SEMA5A: variants seen among roughly 807,000 people sequenced by gnomAD.
SEMA5A encodes semaphorin-5A.
SEMA5A carries 55 observed loss-of-function variants against 135.5 expected under a neutral mutation model. The observed-to-expected ratio is 0.41, with a 90% CI of 0.33 to 0.51. The LOEUF is 0.51. Ranked by LOEUF, SEMA5A falls within the 20% of genes least tolerant of loss-of-function variation. SEMA5A has a pLI of 0.37. For synonymous variants in SEMA5A, 580 were observed against 546.5 expected, an observed-to-expected ratio of 1.06 and a Z score of -0.85; for missense variants, 1,290 against 1,419.9, an observed-to-expected ratio of 0.91 and a Z score of 1.47.
At chr5:9,273,840 C>T (rs1199464000) in intron 5 of SEMA5A, among the ~76,000 whole-genome samples, 1 of 152,042 alleles carries the variant, frequency 6.6e-6, no homozygotes, top group Non-Finnish European at 1.5e-5. Flanking sequence ...CTGAAGGAAG[C>T]ACTAAACATG....
At chr5:9,479,511 G>A (rs112996591) in intron 1 of SEMA5A, among the ~76,000 whole-genome samples, 2,739 of 152,260 alleles carry the variant, frequency 0.018, 82 homozygotes, top group African/African-American at 0.061. Context: ...CTGGAGTGTC[G>A]GAGCGTCAGC....
intron 1 of SEMA5A, among the ~76,000 whole-genome samples, chr5:9,531,206 C>T (rs1737412921): frequency 6.6e-6 from 1 of 152,164 alleles, no homozygotes; most frequent in African/African-American, 2.4e-5. Context: ...GAACAAGGTC[C>T]TAGAGAGGTG....
intron 5 of SEMA5A, among the ~76,000 whole-genome samples, chr5:9,301,752 C>A (rs1751621312): frequency 6.6e-6 from 1 of 152,152 alleles, no homozygotes; most frequent in Non-Finnish European, 1.5e-5. Context: ...TCTTGTTGGG[C>A]TTCCTGGGAG....
intron 11 of SEMA5A, among the ~76,000 whole-genome samples, chr5:9,187,001 A>G (rs1744843992): frequency 1.3e-5 from 2 of 152,148 alleles, no homozygotes; most frequent in African/African-American, 4.8e-5. Context: ...AATGAGATGA[A>G]TTTCCCTGGT....
intron 1 of SEMA5A, among the ~76,000 whole-genome samples, chr5:9,526,944 A>C (rs1178246692): frequency 6.6e-6 from 1 of 152,184 alleles, no homozygotes; most frequent in East Asian, 1.9e-4. Context: ...AAACCAACTG[A>C]AAATTGATGT....
chr5:9,486,513 C>T (rs1734732640), intron 1 of SEMA5A, among the ~76,000 whole-genome samples: 1 of 152,024 alleles, frequency 6.6e-6, no homozygotes, highest in South Asian at 2.1e-4. Flanking sequence ...CACAGCTAAA[C>T]ATCAAATCAA....
At chr5:9,408,153 C>G (rs889128188) in intron 2 of SEMA5A, among the ~76,000 whole-genome samples, 4 of 151,640 alleles carry the variant, frequency 2.6e-5, no homozygotes, top group African/African-American at 9.7e-5. Flanking sequence ...ATCATTATCA[C>G]CACCACCACC....
intron 13 of SEMA5A, among the ~76,000 whole-genome samples, chr5:9,125,124 AG>A (rs58992546): frequency 0.21 from 32,137 of 152,108 alleles, 3,598 homozygotes; most frequent in Non-Finnish European, 0.25. Context: ...TAACATGAAA[AG>A]TGTTCGTTGT....
At chr5:9,264,152 C>A (rs975107877) in intron 5 of SEMA5A, among the ~76,000 whole-genome samples, 3 of 152,132 alleles carry the variant, frequency 2.0e-5, no homozygotes, top group African/African-American at 7.2e-5. Context: ...TAAAACATAG[C>A]CTTCAAATAG....
chr5:9,357,638 T>TA (rs1437963508), intron 3 of SEMA5A, among the ~76,000 whole-genome samples: 1 of 152,186 alleles, frequency 6.6e-6, no homozygotes, highest in African/African-American at 2.4e-5. Flanking sequence ...TTGAGTCTGT[T>TA]AAAAGGATTA....
chr5:9,479,602 A>G (rs1759798173), intron 1 of SEMA5A, among the ~76,000 whole-genome samples: 1 of 152,212 alleles, frequency 6.6e-6, no homozygotes, highest in African/African-American at 2.4e-5. Context: ...ACTTAATACA[A>G]TCCAGAAACG....
At chr5:9,398,088 A>AC (rs1287601159) in intron 2 of SEMA5A, among the ~76,000 whole-genome samples, 8 of 152,228 alleles carry the variant, frequency 5.3e-5, no homozygotes, top group African/African-American at 1.9e-4. Flanking sequence ...AGGAAATCCA[A>AC]CATGGCCAAG....
chr5:9,534,103 G>T (rs1012953998), intron 1 of SEMA5A, among the ~76,000 whole-genome samples: 2 of 152,150 alleles, frequency 1.3e-5, no homozygotes, highest in African/African-American at 4.8e-5. Context: ...AGCCCTGAAG[G>T]CTTAATTAAA....
intron 1 of SEMA5A, among the ~76,000 whole-genome samples, chr5:9,488,061 G>C (rs1209530720): frequency 6.6e-6 from 1 of 152,072 alleles, no homozygotes; most frequent in Non-Finnish European, 1.5e-5. Flanking sequence ...AATCATACGG[G>C]GATAGCTGAC....
chr5:9,283,289 C>G (rs772184597), intron 5 of SEMA5A, among the ~76,000 whole-genome samples: 3 of 152,150 alleles, frequency 2.0e-5, no homozygotes, highest in Non-Finnish European at 4.4e-5. Context: ...ACTGAGATGT[C>G]TTTTTAGGCT....
At chr5:9,348,137 A>G (rs945907296) in intron 3 of SEMA5A, among the ~76,000 whole-genome samples, 1 of 152,180 alleles carries the variant, frequency 6.6e-6, no homozygotes, top group Non-Finnish European at 1.5e-5. Context: ...GACACTAGTG[A>G]AAAGTTGTCT....
intron 1 of SEMA5A, among the ~76,000 whole-genome samples, chr5:9,515,607 G>A (rs1400101468): frequency 6.6e-6 from 1 of 152,116 alleles, no homozygotes; most frequent in African/African-American, 2.4e-5. Flanking sequence ...GCTAACAAAT[G>A]ACAGATATGT....
chr5:9,081,614 G>T (rs1051983989), intron 16 of SEMA5A, among the ~76,000 whole-genome samples: 7 of 152,080 alleles, frequency 4.6e-5, no homozygotes, highest in Non-Finnish European at 7.4e-5. Flanking sequence ...TGGTACATAG[G>T]CAATTTGAGG....
chr5:9,213,550 T>C (rs1459183851), intron 8 of SEMA5A, among the ~76,000 whole-genome samples: 1 of 152,138 alleles, frequency 6.6e-6, no homozygotes, highest in African/African-American at 2.4e-5. Context: ...CCAGATGGGT[T>C]GTCTGGGGGA....
Sources: gnomAD v4.1 joint callset for allele counts (sites outside exome capture counted in the v4.1 genomes callset) on GRCh38, gnomAD v4.1.1 for gene constraint, MANE v1.5 for transcripts, NCBI Gene and HGNC (gene_info 2026-07-23, HGNC 2026-07-21) for gene names.